The following TYW3 variants were observed in gnomAD, a reference collection of about 807,000 sequenced individuals.
TYW3 encodes tRNA wybutosine-synthesizing protein 3 homolog.
In TYW3, 26 loss-of-function variants were observed where a neutral mutation model predicts 23.1. The observed-to-expected ratio is 1.13, with a 90% CI of 0.83 to 1.56. The LOEUF (loss-of-function observed/expected upper bound fraction) is 1.56. Ranked by LOEUF, TYW3 falls within the 40% of genes most tolerant of loss-of-function variation. TYW3 has a pLI of 0.00. For missense variants in TYW3, 316 were observed against 311.9 expected, an observed-to-expected ratio of 1.01 and a Z score of -0.10; for synonymous variants, 102 against 105.7, an observed-to-expected ratio of 0.97 and a Z score of 0.21.
At chr1:74,737,588 G>T (rs1254291453) in intron 2 of TYW3, among the ~76,000 whole-genome samples, 1 of 152,198 alleles carries the variant, frequency 6.6e-6, no homozygotes, top group Non-Finnish European at 1.5e-5. Context: ...TGGTGTGAAG[G>T]CAGGACGATG....
rs1489248647 is a variant in TYW3, at chr1:74,752,236, A to G, written c.427-56A>G. On this transcript the variant is annotated intron_variant, in intron 4 of 5. Coordinates refer to ENST00000370867, the MANE Select transcript of TYW3 (RefSeq NM_138467.3). ...GCCCTGACGGGACTTTTCTTGAGTT[A>G]TTTTCAGTTTCTGTGGTATCTAAGT... 29 of 1,525,460 alleles carry G rather than the reference A, an allele frequency of 1.9e-5. No homozygotes were observed. In the Middle Eastern group the frequency reaches 5.3e-4, roughly 28 times the overall value. The allele number at this position is 1,525,460 out of a possible 1,614,324, so 94.5% of individuals were successfully genotyped here.
intron 4 of TYW3, among the ~76,000 whole-genome samples, chr1:74,750,690 T>G (rs556355654): frequency 2.0e-5 from 3 of 152,330 alleles, no homozygotes; most frequent in East Asian, 3.9e-4. Context: ...TCCAGCTATA[T>G]AGAACTATTG....
intron 1 of TYW3, 57 bp downstream of exon 1, chr1:74,733,475 C>A: frequency 6.3e-7 from 1 of 1,592,486 alleles, no homozygotes; most frequent in Admixed American, 1.7e-5. Flanking sequence ...CTTCAGGAGC[C>A]CTGTTCCCAT....
chr1:74,759,380 T>C (rs1005108298), intron 5 of TYW3, among the ~76,000 whole-genome samples: 1 of 151,352 alleles, frequency 6.6e-6, no homozygotes, highest in African/African-American at 2.4e-5. Context: ...TTTTCTTTTT[T>C]TTTTTTTTTG....
chr1:74,754,424 A>C (rs2100772466), intron 5 of TYW3, among the ~76,000 whole-genome samples: 1 of 152,360 alleles, frequency 6.6e-6, no homozygotes, highest in South Asian at 2.1e-4. Flanking sequence ...TTAGAAGATT[A>C]CATGTGAATT....
intron 4 of TYW3, chr1:74,751,433 G>A (rs1648782855): frequency 6.6e-6 from 1 of 152,250 alleles, no homozygotes; most frequent in East Asian, 1.9e-4. Context: ...CAGCACTTTG[G>A]GAGGCCGAGG....
At chr1:74,756,724 A>G (rs1354451192) in intron 5 of TYW3, among the ~76,000 whole-genome samples, 2 of 152,236 alleles carry the variant, frequency 1.3e-5, no homozygotes, top group Admixed American at 6.5e-5. Flanking sequence ...TTGCATAAGT[A>G]ATGAGGAGCT....
intron 3 of TYW3, among the ~76,000 whole-genome samples, chr1:74,740,112 T>C (rs887916417): frequency 6.6e-6 from 1 of 152,174 alleles, no homozygotes; most frequent in Non-Finnish European, 1.5e-5. Flanking sequence ...TCGCAGTGAG[T>C]GTGACAGTTC....
intron 1 of TYW3, among the ~76,000 whole-genome samples, chr1:74,735,207 C>A (rs1002234386): frequency 6.6e-6 from 1 of 152,232 alleles, no homozygotes; most frequent in African/African-American, 2.4e-5. Flanking sequence ...TCAGAAAATC[C>A]AAATGCTTAC....
intron 3 of TYW3, among the ~76,000 whole-genome samples, chr1:74,743,726 G>A (rs1190033033): frequency 6.6e-6 from 1 of 152,128 alleles, no homozygotes; most frequent in African/African-American, 2.4e-5. Flanking sequence ...GACTGGTGGG[G>A]AATTTGTCCC....
Position 74,765,126 on chromosome 1 carries a change from C to A in TYW3, c.*1013C>A, listed in dbSNP as rs1485520980. 1 of 152,134 alleles carries A rather than the reference C, an allele frequency of 6.6e-6. No homozygotes were observed. Among genetic ancestry groups the A allele is most frequent in the Admixed American group, 6.6e-5 (1 of 15,264 alleles). 9.4% of individuals were successfully genotyped at this position (152,134 alleles called of 1,614,324 possible). The stretch of plus-strand genomic sequence containing the variant: ...AGGAATCTTTATTTTTCACACAACT[C>A]ATCCAAGTGGTTCTGATAAAATCAG... On this transcript the variant is annotated 3_prime_UTR_variant, in exon 6 of 6. Transcript: ENST00000370867.
At chr1:74,735,489 A>G (rs934558851) in intron 1 of TYW3, among the ~76,000 whole-genome samples, 2 of 152,168 alleles carry the variant, frequency 1.3e-5, no homozygotes, top group Admixed American at 6.5e-5. Flanking sequence ...TACACCTCGT[A>G]TTATGGTTTA....
intron 1 of TYW3, chr1:74,736,231 G>A (rs1334114174): frequency 5.4e-6 from 1 of 186,078 alleles, no homozygotes; most frequent in African/African-American, 2.3e-5. Context: ...CAAATAGCTA[G>A]AGTACAACTC....
At chr1:74,743,271 G>C (rs913427492) in intron 3 of TYW3, among the ~76,000 whole-genome samples, 1 of 152,100 alleles carries the variant, frequency 6.6e-6, no homozygotes, top group Non-Finnish European at 1.5e-5. Context: ...TTGTTTGTCT[G>C]ATGGCCATGA....
intron 3 of TYW3, among the ~76,000 whole-genome samples, chr1:74,744,612 A>G (rs1011222912): frequency 6.6e-6 from 1 of 152,024 alleles, no homozygotes; most frequent in Non-Finnish European, 1.5e-5. Flanking sequence ...TGGGTCGCCA[A>G]AATGTGTCCC....
intron 2 of TYW3, among the ~76,000 whole-genome samples, 193 bp from the exon 3 acceptor site, chr1:74,738,497 G>A (rs1648230559): frequency 6.6e-6 from 1 of 152,164 alleles, no homozygotes; most frequent in Non-Finnish European, 1.5e-5. Flanking sequence ...GGGAGAACTA[G>A]AAATTTTAAG....
intron 3 of TYW3, among the ~76,000 whole-genome samples, chr1:74,743,479 C>G (rs1020436610): frequency 1.3e-5 from 2 of 152,222 alleles, no homozygotes; most frequent in East Asian, 1.9e-4. Context: ...AGTTGACCCT[C>G]GAGTGAGTCG....
chr1:74,761,972 T>C (rs1210714706), intron 5 of TYW3, among the ~76,000 whole-genome samples: 2 of 152,060 alleles, frequency 1.3e-5, no homozygotes, highest in Non-Finnish European at 2.9e-5. Context: ...AAGGGTGCAT[T>C]AAGTGAAAGG....
chr1:74,759,782 A>G (rs576381680), intron 5 of TYW3, among the ~76,000 whole-genome samples: 3 of 152,178 alleles, frequency 2.0e-5, no homozygotes, highest in South Asian at 2.1e-4. Context: ...AGCTGTTACT[A>G]CAGGCATGTA....
Sources: allele counts gnomAD v4.1 joint callset (sites outside exome capture counted in the v4.1 genomes callset), GRCh38; gene constraint gnomAD v4.1.1; transcripts MANE v1.5; gene names NCBI Gene and HGNC (gene_info 2026-07-23, HGNC 2026-07-21).